Variants in PAH observed in about 807,000 individuals in gnomAD.
The protein encoded by PAH is phenylalanine-4-hydroxylase.
PAH carries 64 observed loss-of-function variants against 62.0 expected under a neutral mutation model. The ratio of observed to expected loss-of-function variants is 1.03; its 90% CI spans 0.84 to 1.27. The LOEUF (loss-of-function observed/expected upper bound fraction) is 1.27. Ranked by LOEUF, PAH falls within the 50% of genes most tolerant of loss-of-function variation. The probability of loss-of-function intolerance (pLI) is 0.00; values close to 1 mark genes in which losing one functional copy is unlikely to be tolerated. For missense variants in PAH, 579 were observed against 542.8 expected (o/e 1.07, Z -0.66); for synonymous variants, 195 against 196.2 (o/e 0.99, Z 0.05).
intron 1 of PAH, among the ~76,000 whole-genome samples, chr12:102,927,572 G>T (rs905128381): frequency 3.3e-5 from 5 of 152,110 alleles, no homozygotes; most frequent in Non-Finnish European, 5.9e-5. Flanking sequence ...AGGGCAACAT[G>T]ATTCCAGATA....
rs1874451997 is a variant in PAH at position 102,838,399 on chromosome 12, T to A, written c.*776A>T. ...TACAGATTTGCTTTTCAATAATGTA[T>A]TTACTTATTTATTCAGTGAACATTT... On this transcript the variant is annotated 3_prime_UTR_variant, in exon 13 of 13. Transcript: ENST00000553106. 6.6e-6 allele frequency: 1 copy of A among 152,222 alleles called. No homozygotes were observed. Among genetic ancestry groups the A allele is most frequent in the Non-Finnish European group, 1.5e-5 (1 of 68,034 alleles). 9.4% of individuals were successfully genotyped at this position (152,222 alleles called of 1,614,324 possible).
Position 102,855,228 on chromosome 12 carries a change from TCATAGCAAGCATGGGTTTTATA to T in PAH, c.592_613del (p.Tyr198SerfsTer136), listed in dbSNP as rs199475697. On this transcript the variant is annotated frameshift_variant, in exon 6 of 13. Transcript: ENST00000553106. LOFTEE classifies it high-confidence loss of function. ...AAGAAGTGGAAAAATGTGATTGTAC[TCATAGCAAGCATGGGTTTTATA>T]CAAGGACTTCAGAGTCTTGAACACT... 3.1e-6 allele frequency: 5 copies of T among 1,613,962 alleles called. No individual in the cohort carries two copies. In the Admixed American group the frequency reaches 6.7e-5, roughly 22 times the overall value.
rs1221028570 is a variant in PAH, at chr12:102,885,053, TGTG to T, written c.353-7506_353-7504del. ...AGCAATGCTGGGCTTAGAATAAAGG[TGTG>T]GTGGTGGTGAAGGGGTGCTTTTAAA... On this transcript the variant is annotated intron_variant, in intron 3 of 12. Coordinates refer to ENST00000553106, the MANE Select transcript of PAH (RefSeq NM_000277.3). 1.8e-4 allele frequency among the ~76,000 whole-genome samples: 27 copies of T among 151,956 alleles called. 1 individual carries two copies. The highest frequency in any genetic ancestry group is 1.6e-3 in the Admixed American group (25 of 15,266).
intron 5 of PAH, 126 bp from the exon 6 acceptor site, chr12:102,855,458 A>C: frequency 1.4e-6 from 1 of 717,956 alleles, no homozygotes; most frequent in Non-Finnish European, 2.4e-6. Context: ...AGTGAATTTC[A>C]TACATTATTT....
rs148041893 is a variant in PAH, at chr12:102,840,445, A to G, written c.1270T>C (p.Leu424=). 6.2e-7 allele frequency: 1 copy of G among 1,613,968 alleles called. No homozygotes were observed. Among genetic ancestry groups the G allele is most frequent in the African/African-American group, 1.3e-5 (1 of 74,938 alleles). Residue 424 remains leucine, a synonymous_variant, in exon 12 of 13, where the codon TTG becomes CTG. Transcript: ENST00000553106. ...ATCTTAAGCTGCTGGGTATTGTCCA[A>G]GACCTCAATCCTTTGGGTGTATGGG... ...YDPYTQRIEV[L]DNTQQLKILA... is the part of the protein sequence containing the mutation.
intron 8 of PAH, chr12:102,847,326 A>G: frequency 3.4e-6 from 1 of 295,118 alleles, no homozygotes; most frequent in Non-Finnish European, 6.6e-6. Context: ...TTAATCATGT[A>G]CCCTGGAAAC....
At chr12:102,900,855 T>C (rs919884864) in intron 2 of PAH, among the ~76,000 whole-genome samples, 2 of 152,148 alleles carry the variant, frequency 1.3e-5, no homozygotes, top group African/African-American at 4.8e-5. Flanking sequence ...TGCTGAGGGA[T>C]AAAGAAAGCA....
chr12:102,944,935 T>C (rs73377918), intron 1 of PAH, among the ~76,000 whole-genome samples: 4,810 of 152,352 alleles, frequency 0.032, 263 homozygotes, highest in African/African-American at 0.11. Flanking sequence ...ATTTGGATAT[T>C]GTAATCCAAG....
At chr12:102,863,888 C>A (rs913729605) in intron 5 of PAH, among the ~76,000 whole-genome samples, 1 of 152,156 alleles carries the variant, frequency 6.6e-6, no homozygotes, top group Non-Finnish European at 1.5e-5. Context: ...AAAAGCCCAA[C>A]TTCCACTCCA....
intron 1 of PAH, among the ~76,000 whole-genome samples, chr12:102,926,058 G>A (rs1215781744): frequency 2.0e-5 from 3 of 151,488 alleles, no homozygotes; most frequent in Non-Finnish European, 2.9e-5. Flanking sequence ...CTAAGTGCCA[G>A]GCACTGTTTA....
intron 4 of PAH, among the ~76,000 whole-genome samples, chr12:102,873,480 T>C (rs1040427695): frequency 1.1e-4 from 17 of 152,198 alleles, no homozygotes; most frequent in African/African-American, 2.9e-4. Context: ...AAGTGAACTT[T>C]TATTGGGTTG....
intron 6 of PAH, among the ~76,000 whole-genome samples, chr12:102,854,494 A>G (rs937475): frequency 0.64 from 97,516 of 152,170 alleles, 32,612 homozygotes; most frequent in African/African-American, 0.78. Context: ...CTTACCTATT[A>G]AGCTACTCAG....
intron 1 of PAH, among the ~76,000 whole-genome samples, chr12:102,929,423 C>T (rs1878782333): frequency 6.6e-6 from 1 of 152,162 alleles, no homozygotes; most frequent in African/African-American, 2.4e-5. Flanking sequence ...CTTCCAGAAC[C>T]TTCCAGGCAG....
At chr12:102,844,547 A>G (rs1565842864) in intron 9 of PAH, 116 bp from the exon 10 acceptor site, 1 of 401,000 alleles carries the variant, frequency 2.5e-6, no homozygotes, top group African/African-American at 2.3e-5. Flanking sequence ...GGGTGTGTCT[A>G]TGTCTATGAG....
chr12:102,956,426 C>G (rs1879913956), intron 1 of PAH, among the ~76,000 whole-genome samples: 1 of 152,198 alleles, frequency 6.6e-6, no homozygotes, highest in Non-Finnish European at 1.5e-5. Context: ...GGTCGAGCGA[C>G]GGCTGCAAGC....
chr12:102,917,334 G>A (rs1370415617), upstream of PAH: 3 of 611,026 alleles, frequency 4.9e-6, no homozygotes, highest in African/African-American at 3.6e-5. Flanking sequence ...GCAGCCTGCC[G>A]GATGCTCCAG....
At chr12:102,920,120 A>G (rs1008627808), upstream of PAH, among the ~76,000 whole-genome samples, 3 of 152,228 alleles carry the variant, frequency 2.0e-5, no homozygotes, top group Admixed American at 6.5e-5. Flanking sequence ...CATCATTGCT[A>G]TCTGAGAGAA....
intron 1 of PAH, among the ~76,000 whole-genome samples, chr12:102,925,366 G>T (rs1430550499): frequency 1.3e-5 from 2 of 152,130 alleles, no homozygotes; most frequent in African/African-American, 4.8e-5. Flanking sequence ...AGAAGCATTT[G>T]TGGTTATTGA....
intron 2 of PAH, among the ~76,000 whole-genome samples, chr12:102,899,184 G>A (rs1305679727): frequency 6.6e-6 from 1 of 152,176 alleles, no homozygotes; most frequent in Non-Finnish European, 1.5e-5. Context: ...TTCAAAAGGA[G>A]ACATAACCAA....
Sources: allele counts gnomAD v4.1 joint callset (sites outside exome capture counted in the v4.1 genomes callset), GRCh38; gene constraint gnomAD v4.1.1; transcripts MANE v1.5; gene names NCBI Gene and HGNC (gene_info 2026-07-23, HGNC 2026-07-21).